The following PLEKHH2 variants were observed in gnomAD, a reference collection of about 807,000 sequenced individuals.
PLEKHH2 encodes the protein pleckstrin homology domain-containing family H member 2.
A neutral mutation model predicts 187.9 loss-of-function variants in PLEKHH2; 129 were observed. The ratio of observed to expected loss-of-function variants is 0.69; its 90% confidence interval spans 0.59 to 0.79. The LOEUF is 0.79. PLEKHH2 is among the 30% of genes least tolerant of loss of function. The pLI, the probability that PLEKHH2 is intolerant of heterozygous loss-of-function variation, is 0.00. For missense variants in PLEKHH2, 2,076 were observed against 1,751.2 expected, an observed-to-expected ratio of 1.19 and a Z score of -3.31; for synonymous variants, 686 against 605.6, an observed-to-expected ratio of 1.13 and a Z score of -1.95.
Position 43,658,442 on chromosome 2 carries a change from A to G in PLEKHH2, c.123+13646A>G, listed in dbSNP as rs533024452. Among the ~76,000 whole-genome samples, 11 of 152,346 alleles carry G rather than the reference A, an allele frequency of 7.2e-5. No individual in the cohort carries two copies. The South Asian group carries it at 2.3e-3, about 32-fold the overall frequency. ...TTCATGGCTTAAAACAACTATAAGC[A>G]TTTATTATCTTGCACAGTTTTTATG... On this transcript the variant is annotated intron_variant, in intron 2 of 29. Coordinates refer to ENST00000282406, the MANE Select transcript of PLEKHH2 (RefSeq NM_172069.4).
chr2:43,745,810 C>CA (rs1558610163), intron 23 of PLEKHH2, 56 bp from the exon 24 acceptor site: 19 of 1,363,694 alleles, frequency 1.4e-5, no homozygotes, highest in Non-Finnish European at 1.7e-5. Context: ...CACTTGTCTT[C>CA]AAAAAATGTT....
intron 4 of PLEKHH2, 106 bp downstream of exon 4, chr2:43,692,769 T>A: frequency 8.0e-7 from 1 of 1,245,646 alleles, no homozygotes; most frequent in Non-Finnish European, 1.1e-6. Flanking sequence ...GGAGAAATAT[T>A]GCTTATTCGG....
chr2:43,702,526 A>ATTTTTTTT (rs1669424808), intron 8 of PLEKHH2, among the ~76,000 whole-genome samples: 3 of 30,424 alleles, frequency 9.9e-5, no homozygotes, highest in Non-Finnish European at 1.9e-4. Flanking sequence ...CCATTCTACT[A>ATTTTTTTT]CTTTTTTTTT....
intron 3 of PLEKHH2, among the ~76,000 whole-genome samples, chr2:43,687,883 A>ACCTC (rs1261797442): frequency 6.6e-6 from 1 of 151,790 alleles, no homozygotes; most frequent in African/African-American, 2.4e-5. Context: ...TGCAGCCTTG[A>ACCTC]CCTCTCAGGC....
At chr2:43,695,676 C>T (rs555743371) in intron 6 of PLEKHH2, among the ~76,000 whole-genome samples, 3 of 152,264 alleles carry the variant, frequency 2.0e-5, no homozygotes, top group African/African-American at 7.2e-5. Flanking sequence ...AGTTCTGTAT[C>T]TCCCTGTTTT....
At chr2:43,723,237 C>G (rs915395269) in intron 16 of PLEKHH2, among the ~76,000 whole-genome samples, 1 of 152,040 alleles carries the variant, frequency 6.6e-6, no homozygotes, top group Non-Finnish European at 1.5e-5. Context: ...GAAATTTTAC[C>G]TCTACTTTCT....
At chr2:43,660,331 T>C (rs1667003178) in intron 2 of PLEKHH2, among the ~76,000 whole-genome samples, 1 of 152,146 alleles carries the variant, frequency 6.6e-6, no homozygotes, top group South Asian at 2.1e-4. Context: ...CGAATACAGC[T>C]GCTGTAAACA....
chr2:43,696,317 G>GT (rs1572572306), intron 6 of PLEKHH2, among the ~76,000 whole-genome samples: 1 of 151,662 alleles, frequency 6.6e-6, no homozygotes, highest in South Asian at 2.1e-4. Flanking sequence ...TACAAAAAAA[G>GT]TTTTTTTTAA....
intron 7 of PLEKHH2, among the ~76,000 whole-genome samples, chr2:43,698,731 C>A (rs1669216046): frequency 6.6e-6 from 1 of 152,076 alleles, no homozygotes; most frequent in African/African-American, 2.4e-5. Context: ...TATGAAGGTC[C>A]TGTCTATGTT....
rs184377678 is a variant in PLEKHH2, at chr2:43,656,200, G to A, written c.123+11404G>A. On this transcript the variant is annotated intron_variant, in intron 2 of 29. Transcript: ENST00000282406. ...TCGAACTCCTGACCTCAAGTGATCT[G>A]CCCGCCTCTGTCTCCCAAAGTGCTG... Among the ~76,000 whole-genome samples, 1,381 of 152,178 alleles carry A rather than the reference G, an allele frequency of 9.1e-3. 14 individuals carry two copies. The highest frequency in any genetic ancestry group is 0.024 in the Middle Eastern group (7 of 294).
Position 43,654,711 on chromosome 2 carries a change from C to T in PLEKHH2, c.123+9915C>T, listed in dbSNP as rs529197426. On this transcript the variant is annotated intron_variant, in intron 2 of 29. Coordinates refer to ENST00000282406, the MANE Select transcript of PLEKHH2 (RefSeq NM_172069.4). The stretch of plus-strand genomic sequence containing the variant: ...TGGGCAACATAGTAAGACACCCCCC[C>T]CCCCCGCATCTCTACCAAAAAATTA... 3.9e-3 allele frequency among the ~76,000 whole-genome samples: 559 copies of T among 143,496 alleles called. 6 individuals are homozygous for T. Among genetic ancestry groups the T allele is most frequent in the African/African-American group, 0.013 (496 of 39,040 alleles). The allele number at this position is 143,496 out of a possible 152,430, so 94.1% of individuals were successfully genotyped here.
intron 17 of PLEKHH2, among the ~76,000 whole-genome samples, chr2:43,726,793 C>A (rs1357163832): frequency 6.6e-6 from 1 of 151,804 alleles, no homozygotes; most frequent in Non-Finnish European, 1.5e-5. Context: ...TAAAATTTGG[C>A]CTTAGATACA....
chr2:43,754,869 C>CTTA (rs1315756273), intron 25 of PLEKHH2, among the ~76,000 whole-genome samples: 155 of 108,754 alleles, frequency 1.4e-3, no homozygotes, highest in African/African-American at 4.9e-3. Context: ...TTAAAATCAA[C>CTTA]TTTTTTTTTT....
intron 19 of PLEKHH2, among the ~76,000 whole-genome samples, chr2:43,732,846 C>T (rs1671109616): frequency 1.3e-5 from 2 of 152,172 alleles, no homozygotes; most frequent in Non-Finnish European, 2.9e-5. Context: ...TTTTCTGCTG[C>T]CAGTATAACC....
chr2:43,742,796 C>A lies in PLEKHH2; in HGVS notation c.3277C>A (p.Gln1093Lys). 1 of 1,606,694 alleles carries A rather than the reference C, an allele frequency of 6.2e-7. No homozygotes were observed. Among genetic ancestry groups the A allele is most frequent in the South Asian group, 1.1e-5 (1 of 89,410 alleles). Residue 1093 changes from glutamine (Q) to lysine (K), a missense_variant, in exon 22 of 30, where the codon CAA (glutamine) becomes AAA (lysine). Physicochemically the swap from Gln to Lys is moderately conservative, Grantham distance 53. Coordinates refer to ENST00000282406, the MANE Select transcript of PLEKHH2 (RefSeq NM_172069.4). ...YCQRCVERTQ[Q>K]NGDREARPSR... ...CCAGCGTTGTGTAGAAAGAACGCAACAAAATGGTGACAGAGAAGCAAGACC... is the reference window on the plus strand; with the variant it reads ...CCAGCGTTGTGTAGAAAGAACGCAAAAAAATGGTGACAGAGAAGCAAGACC...
chr2:43,728,043 G>C (rs1670850553), intron 17 of PLEKHH2, among the ~76,000 whole-genome samples: 1 of 152,168 alleles, frequency 6.6e-6, no homozygotes, highest in African/African-American at 2.4e-5. Context: ...GCTATGAGGA[G>C]GGAAGCACTC....
At chr2:43,746,989 T>C (rs1268791574) in intron 24 of PLEKHH2, among the ~76,000 whole-genome samples, 1 of 151,908 alleles carries the variant, frequency 6.6e-6, no homozygotes, top group East Asian at 1.9e-4. Context: ...AAAGAGGAGA[T>C]ACCTATGTCC....
intron 2 of PLEKHH2, chr2:43,676,356 A>G: frequency 6.5e-7 from 1 of 1,530,590 alleles, no homozygotes; most frequent in Middle Eastern, 1.8e-4. Context: ...CCAGGGTCAA[A>G]GGCAGCCTGG....
intron 2 of PLEKHH2, among the ~76,000 whole-genome samples, chr2:43,655,567 C>T (rs1225860788): frequency 6.6e-6 from 1 of 152,146 alleles, no homozygotes; most frequent in Non-Finnish European, 1.5e-5. Context: ...TTGTGTAAAT[C>T]CATTAGAAAC....
Sources: allele counts gnomAD v4.1 joint callset (sites outside exome capture counted in the v4.1 genomes callset), GRCh38; gene constraint gnomAD v4.1.1; transcripts MANE v1.5; gene names NCBI Gene and HGNC (gene_info 2026-07-23, HGNC 2026-07-21).